Variants in NSMAF observed in about 807,000 individuals in gnomAD.
NSMAF encodes neutral sphingomyelinase activation associated factor, also known as protein FAN.
A neutral mutation model predicts 134.9 loss-of-function variants in NSMAF; 90 were observed. The observed-to-expected ratio is 0.67, with a 90% CI of 0.56 to 0.79. The LOEUF (loss-of-function observed/expected upper bound fraction) is 0.79. Ranked by LOEUF, NSMAF falls within the 30% of genes least tolerant of loss-of-function variation. NSMAF has a pLI of 0.00. For synonymous variants in NSMAF, 358 were observed against 389.6 expected, an observed-to-expected ratio of 0.92 and a Z score of 0.96; for missense variants, 1,010 against 1,119.0, an observed-to-expected ratio of 0.90 and a Z score of 1.39.
chr8:58,589,524 A>G lies in NSMAF; in HGVS notation c.2139T>C (p.His713=). ...FGRRQDTLMG[H]DDAVSKICWH... ...AACAGATCTTACTAACAGCATCATCATGTCCCATTAACGTGTCCTGGCGTC... is the reference window on the plus strand; with the variant it reads ...AACAGATCTTACTAACAGCATCATCGTGTCCCATTAACGTGTCCTGGCGTC... Residue 713 remains histidine (H), a synonymous_variant, in exon 26 of 31, where the codon CAT becomes CAC. Coordinates refer to ENST00000038176, the MANE Select transcript of NSMAF (RefSeq NM_003580.4). 6.4e-7 allele frequency: 1 copy of G among 1,572,602 alleles called. No individual in the cohort carries two copies. Among genetic ancestry groups the G allele is most frequent in the Non-Finnish European group, 8.6e-7 (1 of 1,167,166 alleles).
At chr8:58,619,771 G>A (rs919198671) in intron 9 of NSMAF, among the ~76,000 whole-genome samples, 7 of 152,060 alleles carry the variant, frequency 4.6e-5, no homozygotes, top group Admixed American at 3.9e-4. Context: ...ATATATTAAA[G>A]GGGACCTAAA....
At position 58,602,065 on chromosome 8, in the gene NSMAF, C is replaced by T. The variant is rs772058311; in HGVS notation, c.1118G>A (p.Arg373Lys). ...VGALNKERLE[R>K]LLTRYQEMPE... ...ATCTCTAAGTCCACATACCAGTAGT[C>T]TCTCCAGCCGTTCCTTATTTAGGGC... Residue 373 changes from arginine to lysine, a missense_variant, in exon 14 of 31, where the codon AGA (arginine) becomes AAA (lysine). Coordinates refer to ENST00000038176, the MANE Select transcript of NSMAF (RefSeq NM_003580.4). The T allele has an allele frequency of 1.2e-6, 2 of 1,612,824 alleles. No homozygotes were observed. Among genetic ancestry groups the T allele is most frequent in the South Asian group, 2.2e-5 (2 of 91,028 alleles).
chr8:58,603,183 G>T (rs768018594), intron 13 of NSMAF, 27 bp downstream of exon 13: 2 of 1,606,670 alleles, frequency 1.2e-6, no homozygotes, highest in South Asian at 2.2e-5. Flanking sequence ...CACTCAACTT[G>T]GTCAGAATTC....
At chr8:58,643,626 G>A (rs1034505893) in intron 1 of NSMAF, among the ~76,000 whole-genome samples, 9 of 152,014 alleles carry the variant, frequency 5.9e-5, no homozygotes, top group African/African-American at 2.2e-4. Flanking sequence ...CCACCTCCCG[G>A]GTTCAAGTAA....
Position 58,635,540 on chromosome 8 carries a change from G to A in NSMAF, c.156C>T (p.Ile52=), listed in dbSNP as rs1467682154. The A allele has an allele frequency of 1.3e-6, 2 of 1,593,266 alleles. No individual in the cohort carries two copies. The highest frequency in any genetic ancestry group is 8.6e-7 in the Non-Finnish European group (1 of 1,169,128). The change falls in exon 3 of 31, where the codon ATC becomes ATT. Residue 52 remains isoleucine (I), a synonymous_variant. Coordinates refer to ENST00000038176, the MANE Select transcript of NSMAF (RefSeq NM_003580.4). ...TTGAACATATTTTTAAGGAGCCTCT[G>A]ATTTTCCTAGGGATCCAAGTACAAC... ...LHKGSHHERK[I]RGSLKICSKS...
In NSMAF at chr8:58,602,260, GA is replaced by G. The variant is rs1563528273; in HGVS notation, c.1046-124del. On this transcript the variant is annotated intron_variant, in intron 13 of 30. Transcript: ENST00000038176. The stretch of plus-strand genomic sequence containing the variant: ...TTTAAAAATTGAGAGCAATCCATGA[GA>G]GTTATTTTTGTTAGTTATTTATGTA... 3.1e-5 allele frequency: 20 copies of G among 648,426 alleles called. No homozygotes were observed. The East Asian group carries it at 6.1e-4, about 20-fold the overall frequency. The allele number at this position is 648,426 out of a possible 1,614,324, so 40.2% of individuals were successfully genotyped here.
Position 58,631,497 on chromosome 8 carries a change from CT to C in NSMAF, c.382del (p.Arg128GlyfsTer41). 1 of 1,494,692 alleles carries C rather than the reference CT, an allele frequency of 6.7e-7. No homozygotes were observed. The highest frequency in any genetic ancestry group is 9.1e-7 in the Non-Finnish European group (1 of 1,102,316). The allele number at this position is 1,494,692 out of a possible 1,614,324, so 92.6% of individuals were successfully genotyped here. On this transcript the variant is annotated frameshift_variant and splice_region_variant, in exon 6 of 31. Transcript: ENST00000038176. LOFTEE classifies it high-confidence loss of function. ...HNVVAPYKIE[R>X]GKMEYVFELD... The stretch of plus-strand genomic sequence containing the variant: ...AAATACATGAAAAGCTTTACTTACC[CT>C]TTCTATTTTATATGGTGCAACAACA...
In NSMAF at chr8:58,655,252, G is replaced by A. The variant is rs142189658; in HGVS notation, c.59+4321C>T. On this transcript the variant is annotated intron_variant, in intron 1 of 30. Coordinates refer to ENST00000038176, the MANE Select transcript of NSMAF (RefSeq NM_003580.4). ...CTCCCAAAGGGCTGGGATTACAAGT[G>A]TAAGCCATGGCACCTAGGCAAGTAT... Among the ~76,000 whole-genome samples the A allele has an allele frequency of 4.6e-3, 706 of 152,270 alleles. 6 individuals are homozygous for A. The highest frequency in any genetic ancestry group is 0.016 in the African/African-American group (665 of 41,554).
intron 1 of NSMAF, among the ~76,000 whole-genome samples, chr8:58,652,295 G>T (rs1807603840): frequency 1.3e-5 from 2 of 152,212 alleles, no homozygotes; most frequent in South Asian, 4.1e-4. Flanking sequence ...TCTCCCAGAA[G>T]AGAAGGTGGC....
rs368892921 is a variant in NSMAF, at chr8:58,599,982, C to T, written c.1320G>A (p.Thr440=). 101 of 1,613,852 alleles carry T rather than the reference C, an allele frequency of 6.3e-5. No individual in the cohort carries two copies. Among genetic ancestry groups the T allele is most frequent in the East Asian group, 1.1e-4 (5 of 44,892 alleles). The change falls in exon 17 of 31, where the codon ACG becomes ACA. Residue 440 remains threonine, a synonymous_variant. Coordinates refer to ENST00000038176, the MANE Select transcript of NSMAF (RefSeq NM_003580.4). Reference sequence around the variant, plus strand: ...ATTAACTGCTTACCTCTTTAAAATCCGTTGCACCATCCAGACAGTTTTTCC... The same window carrying T: ...ATTAACTGCTTACCTCTTTAAAATCTGTTGCACCATCCAGACAGTTTTTCC... The part of the protein sequence containing the change: ...ETWKNCLDGA[T]DFKELIPEFY...
chr8:58,593,602 A>G (rs1040672178), intron 23 of NSMAF, among the ~76,000 whole-genome samples: 1 of 152,186 alleles, frequency 6.6e-6, no homozygotes, highest in East Asian at 1.9e-4. Flanking sequence ...TGCTCTCAAC[A>G]TGACAAGGCC....
intron 1 of NSMAF, among the ~76,000 whole-genome samples, chr8:58,645,771 C>A (rs566637486): frequency 6.6e-6 from 1 of 152,022 alleles, no homozygotes; most frequent in Non-Finnish European, 1.5e-5. Flanking sequence ...CCAGGCGCAG[C>A]GGCTCACACC....
Position 58,607,750 on chromosome 8 carries a change from C to G in NSMAF, c.759+19G>C, listed in dbSNP as rs1161511300. ...AAAGTGTGACAATCATGCCCCAGCA[C>G]AGCCTCCCAAGGACTCACCAGAGGC... On this transcript the variant is annotated intron_variant, in intron 11 of 30. Transcript: ENST00000038176. 1 of 1,602,332 alleles carries G rather than the reference C, an allele frequency of 6.2e-7. No individual in the cohort carries two copies. Among genetic ancestry groups the G allele is most frequent in the Non-Finnish European group, 8.6e-7 (1 of 1,169,346 alleles).
At chr8:58,634,385 G>A (rs2129146148) in intron 5 of NSMAF, among the ~76,000 whole-genome samples, 1 of 152,288 alleles carries the variant, frequency 6.6e-6, no homozygotes, top group Admixed American at 6.5e-5. Flanking sequence ...CTCCCCATCT[G>A]CCTCCTAGGG....
chr8:58,590,825 A>AC, intron 24 of NSMAF, 42 bp downstream of exon 24: 1 of 1,516,278 alleles, frequency 6.6e-7, no homozygotes, highest in Non-Finnish European at 9.0e-7. Flanking sequence ...AAAACAAACT[A>AC]CTACACGGAT....
At position 58,597,474 on chromosome 8, in the gene NSMAF, C is replaced by A. The variant is rs767295419; in HGVS notation, c.1705G>T (p.Val569Leu). The A allele has an allele frequency of 6.2e-7, 1 of 1,614,018 alleles. No homozygotes were observed. Among genetic ancestry groups the A allele is most frequent in the African/African-American group, 1.3e-5 (1 of 74,924 alleles). Residue 569 changes from valine to leucine, a missense_variant, in exon 21 of 31, where the codon GTG (valine) becomes TTG (leucine). Physicochemically the swap from Val to Leu is conservative, Grantham distance 32. Transcript: ENST00000038176. ...GTGATCCTTCGAGGATGTGGTGTCA[C>A]AAATAGTTGTTTTGGTGTCTGCCCA... The part of the protein sequence containing the change: ...EFGQTPKQLF[V>L]TPHPRRITPK...
chr8:58,590,898 A>AT lies in NSMAF; in HGVS notation c.1987dup (p.Met663AsnfsTer32). On this transcript the variant is annotated frameshift_variant, in exon 24 of 31. Coordinates refer to ENST00000038176, the MANE Select transcript of NSMAF (RefSeq NM_003580.4). LOFTEE classifies it high-confidence loss of function. ...TGAAAATGATATACTTCTTTGTAGC[A>AT]TTTTTGATTCTTTAGAAAACATCTT... 1 of 1,566,024 alleles carries AT rather than the reference A, an allele frequency of 6.4e-7. No individual in the cohort carries two copies.
At position 58,585,674 on chromosome 8, in the gene NSMAF, A is replaced by G; in HGVS notation, c.2637T>C (p.Ser879=). The G allele has an allele frequency of 6.2e-7, 1 of 1,613,888 alleles. No homozygotes were observed. The highest frequency in any genetic ancestry group is 2.2e-5 in the East Asian group (1 of 44,874). The change falls in exon 30 of 31, where the codon AGT becomes AGC. Residue 879 remains serine, a synonymous_variant. Transcript: ENST00000038176. ...LVWDLLGAKI[S]ERIQGHTGAV... ...TACCTGTGTGGCCCTGTATTCTCTC[A>G]CTGATTTTTGCTCCAAGGAGGTCCC...
intron 6 of NSMAF, among the ~76,000 whole-genome samples, chr8:58,625,252 T>A (rs1806899109): frequency 1.3e-5 from 2 of 152,162 alleles, no homozygotes; most frequent in African/African-American, 2.4e-5. Flanking sequence ...TACCATTGCC[T>A]CTCTCCTGGG....
Sources: gnomAD v4.1 joint callset for allele counts (sites outside exome capture counted in the v4.1 genomes callset) on GRCh38, gnomAD v4.1.1 for gene constraint, MANE v1.5 for transcripts, NCBI Gene and HGNC (gene_info 2026-07-23, HGNC 2026-07-21) for gene names.